PACRG: variants seen among roughly 807,000 people sequenced by gnomAD.
The protein encoded by PACRG is parkin coregulated gene protein.
PACRG carries 29 observed loss-of-function variants against 29.7 expected under a neutral mutation model. The ratio of observed to expected loss-of-function variants is 0.98; its 90% CI spans 0.73 to 1.33. The LOEUF is 1.33. Among genes scored for constraint, PACRG ranks in the 40% most tolerant of loss-of-function variants. The pLI, the probability that PACRG is intolerant of heterozygous loss-of-function variation, is 0.00. For missense variants in PACRG, 279 were observed against 316.2 expected, an observed-to-expected ratio of 0.88 and a Z score of 0.89; for synonymous variants, 116 against 118.7, an observed-to-expected ratio of 0.98 and a Z score of 0.15.
At chr6:162,772,427 A>G (rs1436558897) in intron 1 of PACRG, among the ~76,000 whole-genome samples, 2 of 152,234 alleles carry the variant, frequency 1.3e-5, no homozygotes, top group Non-Finnish European at 2.9e-5. Context: ...AAAGCAAACA[A>G]AAGTTTTAAA....
chr6:163,121,868 T>A (rs1392129146), intron 4 of PACRG, among the ~76,000 whole-genome samples: 2 of 151,858 alleles, frequency 1.3e-5, no homozygotes, highest in Non-Finnish European at 2.9e-5. Flanking sequence ...TTCACCATGT[T>A]AGCCAGGATG....
At chr6:162,742,204 G>A (rs1045712337) in intron 1 of PACRG, among the ~76,000 whole-genome samples, 1 of 152,124 alleles carries the variant, frequency 6.6e-6, no homozygotes, top group Non-Finnish European at 1.5e-5. Flanking sequence ...CTCACATGTT[G>A]TGGGAGGGAC....
chr6:162,834,150 G>A (rs1424049627), intron 2 of PACRG, among the ~76,000 whole-genome samples: 2 of 151,928 alleles, frequency 1.3e-5, no homozygotes, highest in Non-Finnish European at 2.9e-5. Flanking sequence ...ATAGATTATT[G>A]GCAATATGGC....
At position 162,867,260 on chromosome 6, in the gene PACRG, C is replaced by T. The variant is rs145398744; in HGVS notation, c.291+52979C>T. Among the ~76,000 whole-genome samples the T allele has an allele frequency of 1.4e-3, 207 of 152,228 alleles. 2 individuals carry two copies. The highest frequency in any genetic ancestry group is 4.6e-3 in the African/African-American group (190 of 41,550). On this transcript the variant is annotated intron_variant, in intron 2 of 4. Coordinates refer to ENST00000366888, the MANE Select transcript of PACRG (RefSeq NM_001080379.2). ...CACATACTATCAGAAGCCTCAGGAC[C>T]CTACCTTGTGTTTTGTTATTTTGGG... is the stretch of plus-strand genomic sequence containing the variant.
At chr6:162,754,569 A>T (rs1781752689) in intron 1 of PACRG, among the ~76,000 whole-genome samples, 1 of 151,410 alleles carries the variant, frequency 6.6e-6, no homozygotes, top group African/African-American at 2.4e-5. Flanking sequence ...GCTTCCTCCC[A>T]GTGTTTTCTT....
At chr6:163,268,851 A>G (rs1783633327) in intron 4 of PACRG, among the ~76,000 whole-genome samples, 1 of 152,112 alleles carries the variant, frequency 6.6e-6, no homozygotes. Flanking sequence ...CTCCTTTACC[A>G]TGGACCCCGT....
chr6:162,918,071 A>AT, intron 2 of PACRG, among the ~76,000 whole-genome samples: 1 of 152,140 alleles, frequency 6.6e-6, no homozygotes, highest in Non-Finnish European at 1.5e-5. Context: ...TCTATATAGC[A>AT]TTTTTAGACC....
chr6:162,750,281 G>A (rs1240687264), intron 1 of PACRG, among the ~76,000 whole-genome samples: 1 of 152,156 alleles, frequency 6.6e-6, no homozygotes. Flanking sequence ...AATTTAGTCT[G>A]TGAGTTTTGA....
At chr6:163,085,322 T>C (rs1379143379) in intron 3 of PACRG, among the ~76,000 whole-genome samples, 3 of 152,202 alleles carry the variant, frequency 2.0e-5, no homozygotes, top group African/African-American at 7.2e-5. Flanking sequence ...CTCTGAGTCC[T>C]TCTTAAGGAG....
At chr6:163,236,657 A>T (rs1381676297) in intron 4 of PACRG, among the ~76,000 whole-genome samples, 1 of 152,230 alleles carries the variant, frequency 6.6e-6, no homozygotes, top group African/African-American at 2.4e-5. Flanking sequence ...TGGCAAGAAG[A>T]GGTGGAGACT....
chr6:163,272,772 TG>T, intron 4 of PACRG, among the ~76,000 whole-genome samples: 1 of 152,152 alleles, frequency 6.6e-6, no homozygotes, highest in Non-Finnish European at 1.5e-5. Flanking sequence ...TCAACATCCA[TG>T]GAAATGATCA....
At chr6:162,883,153 G>A (rs924882628) in intron 2 of PACRG, among the ~76,000 whole-genome samples, 8 of 151,588 alleles carry the variant, frequency 5.3e-5, no homozygotes, top group African/African-American at 1.9e-4. Flanking sequence ...GTCACTACCA[G>A]GTTTTTTTTT....
chr6:163,134,860 T>A (rs1055141139), intron 4 of PACRG, among the ~76,000 whole-genome samples: 6 of 152,134 alleles, frequency 3.9e-5, no homozygotes, highest in African/African-American at 1.4e-4. Context: ...TCTCAACAGT[T>A]TTTCCACATT....
intron 3 of PACRG, among the ~76,000 whole-genome samples, chr6:163,063,928 C>T (rs1052762152): frequency 9.9e-5 from 15 of 152,200 alleles, no homozygotes; most frequent in Admixed American, 3.3e-4. Flanking sequence ...TCAGATGGGT[C>T]ACATTTTTGA....
intron 2 of PACRG, among the ~76,000 whole-genome samples, chr6:162,909,771 A>G (rs927870874): frequency 6.6e-6 from 1 of 152,168 alleles, no homozygotes; most frequent in African/African-American, 2.4e-5. Flanking sequence ...AGTAAGGGCC[A>G]TGAATTATCT....
At chr6:163,085,401 T>G (rs1813464412) in intron 3 of PACRG, among the ~76,000 whole-genome samples, 1 of 152,140 alleles carries the variant, frequency 6.6e-6, no homozygotes, top group Non-Finnish European at 1.5e-5. Context: ...CTGATTCTGT[T>G]TGGTTGATAA....
chr6:162,998,103 A>G (rs1331056842), intron 2 of PACRG, among the ~76,000 whole-genome samples: 1 of 152,240 alleles, frequency 6.6e-6, no homozygotes, highest in Non-Finnish European at 1.5e-5. Flanking sequence ...TATGGAGCAC[A>G]TGGAACTCTG....
At chr6:162,989,534 T>G (rs745570316) in intron 2 of PACRG, among the ~76,000 whole-genome samples, 33 of 152,292 alleles carry the variant, frequency 2.2e-4, no homozygotes, top group Non-Finnish European at 3.8e-4. Flanking sequence ...TTATAATACC[T>G]AATACAATGT....
At chr6:162,758,607 A>G (rs1351334532) in intron 1 of PACRG, among the ~76,000 whole-genome samples, 2 of 152,186 alleles carry the variant, frequency 1.3e-5, no homozygotes, top group African/African-American at 2.4e-5. Context: ...AAGAACATGG[A>G]CAAGAGAGCC....
Sources: allele counts gnomAD v4.1 joint callset (sites outside exome capture counted in the v4.1 genomes callset), GRCh38; gene constraint gnomAD v4.1.1; transcripts MANE v1.5; gene names NCBI Gene and HGNC (gene_info 2026-07-23, HGNC 2026-07-21).